Variants in ADAMTS17 observed in about 807,000 individuals in gnomAD.
ADAMTS17 encodes the protein ADAM metallopeptidase with thrombospondin type 1 motif 17.
A neutral mutation model predicts 141.5 loss-of-function variants in ADAMTS17; 113 were observed. The ratio of observed to expected loss-of-function variants is 0.80; its 90% confidence interval spans 0.69 to 0.93. The LOEUF (loss-of-function observed/expected upper bound fraction) is 0.93. ADAMTS17 is among the 40% of genes least tolerant of loss of function. The probability of loss-of-function intolerance (pLI) is 0.00; values close to 1 mark genes in which losing one functional copy is unlikely to be tolerated. For missense variants in ADAMTS17, 1,659 were observed against 1,517.9 expected (o/e 1.09, Z -1.54); for synonymous variants, 768 against 630.6 (o/e 1.22, Z -3.27).
chr15:100,302,259 T>A (rs949858442), intron 3 of ADAMTS17, among the ~76,000 whole-genome samples: 1 of 152,212 alleles, frequency 6.6e-6, no homozygotes, highest in African/African-American at 2.4e-5. Context: ...TCCTTTTTAT[T>A]GCCAAATAAA....
At chr15:100,314,126 A>T (rs890271554) in intron 3 of ADAMTS17, among the ~76,000 whole-genome samples, 1 of 152,272 alleles carries the variant, frequency 6.6e-6, no homozygotes. Context: ...CAAAATAACT[A>T]GTCTATACTA....
chr15:100,159,208 T>C (rs920476097), intron 8 of ADAMTS17, among the ~76,000 whole-genome samples: 3 of 152,218 alleles, frequency 2.0e-5, no homozygotes, highest in African/African-American at 4.8e-5. Flanking sequence ...AGCCAAGATA[T>C]GAACCCAACC....
rs2141250475 is a variant in ADAMTS17, at chr15:99,973,340, G to C, written c.*1062C>G. Reference sequence around the variant, plus strand: ...GTCCTGGCACATCAGGCTGCTCCGTGCCAGGATAGAGCAGTCAGGCCTTGC... The same window carrying C: ...GTCCTGGCACATCAGGCTGCTCCGTCCCAGGATAGAGCAGTCAGGCCTTGC... On this transcript the variant is annotated 3_prime_UTR_variant, in exon 22 of 22. Coordinates refer to ENST00000268070, the MANE Select transcript of ADAMTS17 (RefSeq NM_139057.4). 1 of 151,218 alleles carries C rather than the reference G, an allele frequency of 6.6e-6. No homozygotes were observed. Among genetic ancestry groups the C allele is most frequent in the South Asian group, 2.1e-4 (1 of 4,732 alleles). 9.4% of individuals were successfully genotyped at this position (151,218 alleles called of 1,614,324 possible). A position where few individuals can be genotyped will look rare whatever the true frequency, so the allele number is the denominator to read the frequency against.
chr15:100,134,532 C>T (rs2038226160), intron 10 of ADAMTS17, among the ~76,000 whole-genome samples: 1 of 152,184 alleles, frequency 6.6e-6, no homozygotes, highest in South Asian at 2.1e-4. Flanking sequence ...TCAAGGAGCT[C>T]CTGTAGCTGG....
At chr15:100,318,690 C>CAAACA (rs2045639469) in intron 3 of ADAMTS17, among the ~76,000 whole-genome samples, 1 of 152,198 alleles carries the variant, frequency 6.6e-6, no homozygotes, top group Non-Finnish European at 1.5e-5. Flanking sequence ...GCAAAATAAA[C>CAAACA]AAACGGGAAA....
chr15:100,208,265 C>T (rs1281096574), intron 7 of ADAMTS17, among the ~76,000 whole-genome samples: 1 of 152,218 alleles, frequency 6.6e-6, no homozygotes, highest in Non-Finnish European at 1.5e-5. Context: ...TCCGGGTGTG[C>T]AGAACCAAAT....
chr15:100,264,096 C>T (rs2043626539), intron 4 of ADAMTS17, among the ~76,000 whole-genome samples: 1 of 152,216 alleles, frequency 6.6e-6, no homozygotes, highest in African/African-American at 2.4e-5. Flanking sequence ...TTCTTTCACA[C>T]AAGGAAAAAT....
intron 8 of ADAMTS17, among the ~76,000 whole-genome samples, chr15:100,190,756 C>T (rs904879767): frequency 1.3e-5 from 2 of 152,208 alleles, no homozygotes; most frequent in Non-Finnish European, 2.9e-5. Flanking sequence ...TCAGATCACA[C>T]CCCTGCCACC....
chr15:100,286,529 C>G (rs1241008514), intron 3 of ADAMTS17, among the ~76,000 whole-genome samples: 2 of 152,196 alleles, frequency 1.3e-5, no homozygotes, highest in Non-Finnish European at 2.9e-5. Context: ...ATACCGGCAC[C>G]TCAGAGTTAA....
chr15:100,263,973 C>T (rs960849201), intron 4 of ADAMTS17, among the ~76,000 whole-genome samples: 3 of 152,238 alleles, frequency 2.0e-5, no homozygotes, highest in East Asian at 1.9e-4. Context: ...AAGCCAGGCA[C>T]GCAGTGTTTG....
At chr15:100,143,245 C>T (rs561707886) in intron 10 of ADAMTS17, among the ~76,000 whole-genome samples, 1 of 152,308 alleles carries the variant, frequency 6.6e-6, no homozygotes, top group Admixed American at 6.5e-5. Flanking sequence ...TCTCTAGCAG[C>T]AATACACACT....
chr15:100,322,850 G>A (rs1353410061), intron 3 of ADAMTS17, among the ~76,000 whole-genome samples: 1 of 152,152 alleles, frequency 6.6e-6, no homozygotes, highest in Non-Finnish European at 1.5e-5. Context: ...CACTTTGGGA[G>A]GCTGAGGCAG....
At chr15:99,998,088 G>C (rs991505826) in intron 18 of ADAMTS17, among the ~76,000 whole-genome samples, 6 of 152,176 alleles carry the variant, frequency 3.9e-5, no homozygotes, top group Non-Finnish European at 8.8e-5. Context: ...CAGTGATGGA[G>C]ATGTTGCAGT....
chr15:100,237,443 C>T (rs1345645988), intron 7 of ADAMTS17, among the ~76,000 whole-genome samples: 3 of 152,162 alleles, frequency 2.0e-5, no homozygotes, highest in Non-Finnish European at 2.9e-5. Context: ...GAGATCCACA[C>T]GACGACAGGA....
At chr15:100,338,745 G>A (rs1207099064) in intron 2 of ADAMTS17, among the ~76,000 whole-genome samples, 1 of 152,004 alleles carries the variant, frequency 6.6e-6, no homozygotes, top group African/African-American at 2.4e-5. Context: ...GCCTGTCGTA[G>A]CAAATACACA....
intron 4 of ADAMTS17, among the ~76,000 whole-genome samples, chr15:100,278,633 C>T (rs754874674): frequency 6.6e-6 from 1 of 152,070 alleles, no homozygotes. Flanking sequence ...AGGGGCATGG[C>T]GGAGATAGAG....
intron 8 of ADAMTS17, among the ~76,000 whole-genome samples, chr15:100,192,887 C>G (rs2040970638): frequency 6.6e-6 from 1 of 152,158 alleles, no homozygotes; most frequent in South Asian, 2.1e-4. Context: ...CCATCACTCC[C>G]CCAGACATGT....
At chr15:100,055,805 T>G (rs186433737) in intron 15 of ADAMTS17, among the ~76,000 whole-genome samples, 2 of 152,348 alleles carry the variant, frequency 1.3e-5, no homozygotes, top group East Asian at 3.9e-4. Flanking sequence ...GGTTGGCTCT[T>G]TCATATACTC....
rs138820181 is a variant in ADAMTS17 at position 100,046,643 on chromosome 15, C to A, written c.2591+2214G>T. On this transcript the variant is annotated intron_variant, in intron 18 of 21. Transcript: ENST00000268070. ...TAAATACTTTTATAATTTCTTATGC[C>A]TGTCTTTACTGTAATCTCTAAACAT... Among the ~76,000 whole-genome samples, 100 of 152,302 alleles carry A rather than the reference C, an allele frequency of 6.6e-4. 2 individuals are homozygous for A. Among genetic ancestry groups the A allele is most frequent in the African/African-American group, 2.3e-3 (95 of 41,568 alleles).
Sources: gnomAD v4.1 joint callset for allele counts (sites outside exome capture counted in the v4.1 genomes callset) on GRCh38, gnomAD v4.1.1 for gene constraint, MANE v1.5 for transcripts, NCBI Gene and HGNC (gene_info 2026-07-23, HGNC 2026-07-21) for gene names.